KIAA2012: variants seen among roughly 807,000 people sequenced by gnomAD.
The protein encoded by KIAA2012 is KIAA2012.
A neutral mutation model predicts 150.6 loss-of-function variants in KIAA2012; 125 were observed. The observed-to-expected ratio is 0.83, with a 90% confidence interval of 0.72 to 0.96. The LOEUF (loss-of-function observed/expected upper bound fraction) is 0.96, where lower values mean the gene tolerates loss of function less well. Among genes scored for constraint, KIAA2012 ranks in the 40% least tolerant of loss-of-function variants. The pLI is 0.00. For synonymous variants in KIAA2012, 462 were observed against 504.7 expected, an observed-to-expected ratio of 0.92 and a Z score of 1.13; for missense variants, 1,219 against 1,354.9, an observed-to-expected ratio of 0.90 and a Z score of 1.57.
intron 9 of KIAA2012, among the ~76,000 whole-genome samples, chr2:202,106,826 A>C (rs1444770871): frequency 6.6e-6 from 1 of 152,214 alleles, no homozygotes; most frequent in Non-Finnish European, 1.5e-5. Context: ...ATAGGTTGGA[A>C]GTAACAAGCC....
At chr2:202,149,727 T>C (rs2105949920) in intron 13 of KIAA2012, among the ~76,000 whole-genome samples, 1 of 152,344 alleles carries the variant, frequency 6.6e-6, no homozygotes, top group Non-Finnish European at 1.5e-5. Flanking sequence ...CTGGTGGCTC[T>C]GTGGGACCCA....
At chr2:202,174,759 T>C (rs542701441) in intron 15 of KIAA2012, among the ~76,000 whole-genome samples, 1 of 152,258 alleles carries the variant, frequency 6.6e-6, no homozygotes, top group Non-Finnish European at 1.5e-5. Flanking sequence ...TTTATTCATA[T>C]ATACTTGAGA....
chr2:202,190,332 T>C lies in KIAA2012; in HGVS notation c.2650T>C (p.Phe884Leu), dbSNP rs200157407. Residue 884 changes from phenylalanine (F) to leucine (L), a missense_variant, in exon 19 of 24, where the codon TTT becomes CTT. Transcript: ENST00000498697. ...ETEDTSNRGS[F>L]ASDSFVEDPW... Reference sequence around the variant, plus strand: ...AGAAGACACCTCAAATAGAGGTTCCTTTGCCTCAGACTCCTTTGTAGAGGA... The same window carrying C: ...AGAAGACACCTCAAATAGAGGTTCCCTTGCCTCAGACTCCTTTGTAGAGGA... 1.3e-5 allele frequency: 20 copies of C among 1,550,636 alleles called. No individual in the cohort carries two copies. Among genetic ancestry groups the C allele is most frequent in the Non-Finnish European group, 1.7e-5 (19 of 1,147,014 alleles).
chr2:202,183,846 A>C (rs1360773231), intron 15 of KIAA2012, among the ~76,000 whole-genome samples: 1 of 152,212 alleles, frequency 6.6e-6, no homozygotes, highest in Non-Finnish European at 1.5e-5. Context: ...CCTTTAAGAA[A>C]AAATATAAAC....
Position 202,075,100 on chromosome 2 carries a change from C to G in KIAA2012, c.294C>G (p.Pro98=). The G allele has an allele frequency of 6.4e-7, 1 of 1,550,500 alleles. No individual in the cohort carries two copies. Among genetic ancestry groups the G allele is most frequent in the Non-Finnish European group, 8.7e-7 (1 of 1,146,984 alleles). ...RRKGPYCPRG[P]WRKLDLELHT... Reference sequence around the variant, plus strand: ...AAGGCCCCTACTGCCCCAGAGGTCCCTGGAGGAAGCTGGATCTTGAACTGC... The same window carrying G: ...AAGGCCCCTACTGCCCCAGAGGTCCGTGGAGGAAGCTGGATCTTGAACTGC... Residue 98 remains proline (P), a synonymous_variant, in exon 2 of 24, where the codon CCC becomes CCG. Transcript: ENST00000498697.
chr2:202,168,567 T>C (rs1008589695), intron 15 of KIAA2012, among the ~76,000 whole-genome samples: 3 of 152,102 alleles, frequency 2.0e-5, no homozygotes, highest in African/African-American at 7.2e-5. Context: ...AATAACATAA[T>C]GATTTCTTTA....
Position 202,104,055 on chromosome 2 carries a change from C to T in KIAA2012, c.1324+941C>T, listed in dbSNP as rs1690118837. ...GAATCACACAGGCAGCCATTTTGTT[C>T]TAAGCCTGTTTGGACTTCTTACTGG... On this transcript the variant is annotated intron_variant, in intron 8 of 23. Coordinates refer to ENST00000498697, the MANE Select transcript of KIAA2012 (RefSeq NM_001277372.4). The surrounding 1 kb of genome is among the most constrained non-coding windows in gnomAD (Gnocchi z 4.3). Among the ~76,000 whole-genome samples, 2 of 152,152 alleles carry T rather than the reference C, an allele frequency of 1.3e-5. No homozygotes were observed. Among genetic ancestry groups the T allele is most frequent in the African/African-American group, 4.8e-5 (2 of 41,420 alleles).
At chr2:202,090,970 C>A (rs1438928309) in intron 3 of KIAA2012, 41 bp downstream of exon 3, 1 of 1,511,428 alleles carries the variant, frequency 6.6e-7, no homozygotes, top group Admixed American at 2.1e-5. Context: ...CCAAACTGCC[C>A]CACCTCCCAT....
At chr2:202,135,952 A>T (rs1691047784) in intron 12 of KIAA2012, 1 of 242,240 alleles carries the variant, frequency 4.1e-6, no homozygotes, top group Non-Finnish European at 8.8e-6. Flanking sequence ...TTGAATGAAA[A>T]TGCTTTCAGG....
chr2:202,134,207 G>T (rs995695267), intron 12 of KIAA2012, among the ~76,000 whole-genome samples: 6 of 152,184 alleles, frequency 3.9e-5, no homozygotes, highest in Non-Finnish European at 8.8e-5. Context: ...TGCAAGTTAT[G>T]GGGTATGTTC....
chr2:202,178,309 C>T (rs748695021), intron 15 of KIAA2012, among the ~76,000 whole-genome samples: 12 of 152,090 alleles, frequency 7.9e-5, no homozygotes, highest in African/African-American at 1.4e-4. Context: ...ATACTGTGAA[C>T]GCTTAAGATA....
chr2:202,162,975 A>C (rs1401741686), intron 14 of KIAA2012, among the ~76,000 whole-genome samples: 1 of 151,770 alleles, frequency 6.6e-6, no homozygotes, highest in East Asian at 1.9e-4. Context: ...TAATGGTTGC[A>C]TCATATTCCA....
At chr2:202,077,789 A>G (rs1689358685) in intron 2 of KIAA2012, among the ~76,000 whole-genome samples, 1 of 152,146 alleles carries the variant, frequency 6.6e-6, no homozygotes, top group Admixed American at 6.5e-5. Flanking sequence ...TGGGCAACAT[A>G]ATGAGACCCT....
chr2:202,098,750 A>G lies in KIAA2012; in HGVS notation c.829-863A>G, dbSNP rs559641014. Among the ~76,000 whole-genome samples, 5 of 151,856 alleles carry G rather than the reference A, an allele frequency of 3.3e-5. No homozygotes were observed. In the South Asian group the frequency reaches 1.0e-3, roughly 32 times the overall value. On this transcript the variant is annotated intron_variant, in intron 5 of 23. Transcript: ENST00000498697. ...CTAACAAGGTTACTGTGAGAATTAA[A>G]TGAGTTACAATGTAGAAACACTTTC...
intron 19 of KIAA2012, among the ~76,000 whole-genome samples, chr2:202,190,781 A>G (rs1692315396): frequency 6.6e-6 from 1 of 152,152 alleles, no homozygotes; most frequent in South Asian, 2.1e-4. Context: ...CACAGCACCC[A>G]TCTCTGAGAG....
chr2:202,182,987 G>T (rs1228378486), intron 15 of KIAA2012, among the ~76,000 whole-genome samples: 1 of 152,164 alleles, frequency 6.6e-6, no homozygotes, highest in African/African-American at 2.4e-5. Flanking sequence ...AAAACAAGAT[G>T]TAGACTAGTC....
At chr2:202,084,781 C>T (rs1470876657) in intron 2 of KIAA2012, among the ~76,000 whole-genome samples, 1 of 152,094 alleles carries the variant, frequency 6.6e-6, no homozygotes, top group African/African-American at 2.4e-5. Context: ...TAATTTTTAA[C>T]ATGTTTTCTA....
chr2:202,074,810 C>T (rs1411808279), intron 1 of KIAA2012, 81 bp from the exon 2 acceptor site: 2 of 1,389,410 alleles, frequency 1.4e-6, no homozygotes, highest in African/African-American at 1.5e-5. Context: ...TAAAAAAATG[C>T]CGAAGGCTTT....
rs138284710 is a variant in KIAA2012 at position 202,189,982 on chromosome 2, C to T, written c.2492-192C>T. 1.4e-4 allele frequency among the ~76,000 whole-genome samples: 22 copies of T among 151,918 alleles called. No homozygotes were observed. In the East Asian group the frequency reaches 4.1e-3, roughly 28 times the overall value. On this transcript the variant is annotated intron_variant, in intron 18 of 23. Transcript: ENST00000498697. ...TGGTGTGCCTGCAGTCCCAGCTACTCAGGAAGCCGAGGTGGGAGGATCACA... is the reference window on the plus strand; with the variant it reads ...TGGTGTGCCTGCAGTCCCAGCTACTTAGGAAGCCGAGGTGGGAGGATCACA...
Sources: gnomAD v4.1 joint callset for allele counts (sites outside exome capture counted in the v4.1 genomes callset) on GRCh38, gnomAD v4.1.1 for gene constraint, Gnocchi (gnomAD v3.1) non-coding constraint, MANE v1.5 for transcripts, NCBI Gene and HGNC (gene_info 2026-07-23, HGNC 2026-07-21) for gene names.